The following PLXND1 variants were observed in gnomAD, a reference collection of about 807,000 sequenced individuals.
PLXND1 encodes plexin D1.
Under a neutral mutation model 197.7 loss-of-function variants are expected in PLXND1, and 54 were observed. That is an observed-to-expected ratio of 0.27 (90% CI 0.22 to 0.34). PLXND1 has a LOEUF of 0.34. PLXND1 is among the 10% of genes least tolerant of loss of function. PLXND1 has a pLI of 1.00. For missense variants in PLXND1, 2,127 were observed against 2,699.2 expected (o/e 0.79, Z 4.70); for synonymous variants, 1,180 against 1,161.2 (o/e 1.02, Z -0.33).
At chr3:129,586,479 G>A (rs1578344946) in intron 3 of PLXND1, 109 bp downstream of exon 3, 1 of 1,329,056 alleles carries the variant, frequency 7.5e-7, no homozygotes, top group East Asian at 2.5e-5. Flanking sequence ...AGATAAGGGA[G>A]ATGGAGGAGG....
Position 129,558,661 on chromosome 3 carries a change from G to C in PLXND1, c.5298-86C>G, listed in dbSNP as rs184208657. The C allele has an allele frequency of 1.3e-5, 17 of 1,328,458 alleles. No individual in the cohort carries two copies. In the East Asian group the frequency reaches 3.7e-4, roughly 29 times the overall value. The allele number at this position is 1,328,458 out of a possible 1,614,324, so 82.3% of individuals were successfully genotyped here. ...AGTTGTGGAGGAGAGAGCTGGCTTT[G>C]TCCCTCAAGGGCCTGAGGTTGGAGC... is the stretch of plus-strand genomic sequence containing the variant. On this transcript the variant is annotated intron_variant, in intron 32 of 35. Transcript: ENST00000324093. This position sits in a 1 kb window ranked among gnomAD's most constrained non-coding sequence, Gnocchi z 4.1.
chr3:129,563,932 G>A (rs894405979), intron 25 of PLXND1, among the ~76,000 whole-genome samples: 12 of 152,230 alleles, frequency 7.9e-5, no homozygotes, highest in Non-Finnish European at 1.5e-4. Context: ...GATTACGAAG[G>A]CAGCCTGCCA....
rs777938845 is a variant in PLXND1, at chr3:129,605,357, G to T, written c.1283C>A (p.Pro428Gln). 2 of 1,468,620 alleles carry T rather than the reference G, an allele frequency of 1.4e-6. No individual in the cohort carries two copies. The highest frequency in any genetic ancestry group is 1.5e-5 in the African/African-American group (1 of 67,944). 91.0% of individuals were successfully genotyped at this position (1,468,620 alleles called of 1,614,324 possible). A position where few individuals can be genotyped will look rare whatever the true frequency, so the allele number is the denominator to read the frequency against. Residue 428 changes from proline to glutamine, a missense_variant, in exon 1 of 36, where the codon CCG becomes CAG. Physicochemically the swap from Pro to Gln is moderately conservative, Grantham distance 76. Coordinates refer to ENST00000324093, the MANE Select transcript of PLXND1 (RefSeq NM_015103.3). ...VLDSVVQGTGPACERKLNIQL... is the reference protein window; with the variant it reads ...VLDSVVQGTGQACERKLNIQL... Reference sequence around the variant, plus strand: ...GATGTTGAGCTTGCGCTCACAGGCCGGTCCCGTGCCCTGCACCACGCTGTC... The same window carrying T: ...GATGTTGAGCTTGCGCTCACAGGCCTGTCCCGTGCCCTGCACCACGCTGTC...
At chr3:129,602,947 G>A (rs561326219) in intron 1 of PLXND1, among the ~76,000 whole-genome samples, 1 of 152,342 alleles carries the variant, frequency 6.6e-6, no homozygotes, top group South Asian at 2.1e-4. Flanking sequence ...GCTGGGAAGT[G>A]ACAAAGTGGG....
At chr3:129,592,533 G>A (rs764049347) in intron 1 of PLXND1, among the ~76,000 whole-genome samples, 9 of 152,128 alleles carry the variant, frequency 5.9e-5, no homozygotes, top group Non-Finnish European at 7.4e-5. Context: ...CGGACCAGGC[G>A]CCCAGCTCGG....
At position 129,606,162 on chromosome 3, in the gene PLXND1, C is replaced by G; in HGVS notation, c.478G>C (p.Ala160Pro). ...LRRRGNISAV[A>P]VRFPPAAPPA... is the part of the protein sequence containing the mutation. ...GGCGCGGCGGGCGGGAAGCGCACGGCCACGGCCGAGATGTTGCCCCGGCGC... is the reference window on the plus strand; with the variant it reads ...GGCGCGGCGGGCGGGAAGCGCACGGGCACGGCCGAGATGTTGCCCCGGCGC... Residue 160 changes from alanine (A) to proline (P), a missense_variant, in exon 1 of 36, where the codon GCC becomes CCC. Around this residue, in one of 6 missense-constraint regions of PLXND1, gnomAD observed 245 missense variants for 267.1 expected, o/e 0.92. Transcript: ENST00000324093. 1 of 1,529,848 alleles carries G rather than the reference C, an allele frequency of 6.5e-7. No homozygotes were observed. Among genetic ancestry groups the G allele is most frequent in the Non-Finnish European group, 8.7e-7 (1 of 1,145,126 alleles). The allele number at this position is 1,529,848 out of a possible 1,614,324, so 94.8% of individuals were successfully genotyped here.
Position 129,606,617 on chromosome 3 carries a change from C to G in PLXND1, c.23G>C (p.Gly8Ala). The change falls in exon 1 of 36, where the codon GGC (glycine) becomes GCC (alanine). Residue 8 changes from glycine to alanine, a missense_variant. Gly to Ala is a moderately conservative substitution (Grantham distance 60). This residue lies in a region of PLXND1 where 245 missense variants were observed against 267.1 expected (regional missense o/e 0.92). Coordinates refer to ENST00000324093, the MANE Select transcript of PLXND1 (RefSeq NM_015103.3). ...GGCGGCCCGGGCGCTAAGGGGTGCG[C>G]CGCCCGCGGCGCGAGGAGCCATCCG... The part of the protein sequence containing the change: MAPRAAG[G>A]APLSARAAAA... The G allele has an allele frequency of 8.7e-7, 1 of 1,150,974 alleles. No homozygotes were observed. The highest frequency in any genetic ancestry group is 1.6e-5 in the African/African-American group (1 of 61,156). 71.3% of individuals were successfully genotyped at this position (1,150,974 alleles called of 1,614,324 possible).
intron 15 of PLXND1, 106 bp downstream of exon 15, chr3:129,572,503 A>G: frequency 1.0e-6 from 1 of 990,376 alleles, no homozygotes; most frequent in Non-Finnish European, 1.4e-6. Flanking sequence ...ACAGCCAATG[A>G]AGACCCAAGA....
At chr3:129,568,777 G>A (rs1443832476) in intron 20 of PLXND1, among the ~76,000 whole-genome samples, 1 of 152,160 alleles carries the variant, frequency 6.6e-6, no homozygotes, top group Admixed American at 6.5e-5. Context: ...TTGAACTCCT[G>A]GGCTCAAGTG....
Position 129,561,857 on chromosome 3 carries a change from G to A in PLXND1, c.4872C>T (p.Asp1624=), listed in dbSNP as rs529197578. Residue 1624 remains aspartate, a synonymous_variant, in exon 28 of 36, where the codon GAC becomes GAT. Transcript: ENST00000324093. ...GGCCGTCTTCCACCACTGAGGTGTC[G>A]TCCAGGTCCCGAAGGATGTAGCTCT... is the stretch of plus-strand genomic sequence containing the variant. ...STQSYILRDL[D]DTSVVEDGRK... 4.8e-5 allele frequency: 78 copies of A among 1,613,994 alleles called. No homozygotes were observed. In the South Asian group the frequency reaches 7.6e-4, roughly 16 times the overall value.
rs1342351193 is a variant in PLXND1 at position 129,557,386 on chromosome 3, G to A, written c.5446-163C>T. Among the ~76,000 whole-genome samples, 1 of 152,164 alleles carries A rather than the reference G, an allele frequency of 6.6e-6. No homozygotes were observed. Among genetic ancestry groups the A allele is most frequent in the African/African-American group, 2.4e-5 (1 of 41,424 alleles). ...CACTGAACGTCCCCGCACTCAGCCGGCCCCAGACCAGGGGCTCCTCACTGT... is the reference window on the plus strand; with the variant it reads ...CACTGAACGTCCCCGCACTCAGCCGACCCCAGACCAGGGGCTCCTCACTGT... On this transcript the variant is annotated intron_variant, in intron 33 of 35. Transcript: ENST00000324093. The surrounding 1 kb of genome is among the most constrained non-coding windows in gnomAD (Gnocchi z 4.8).
At position 129,586,032 on chromosome 3, in the gene PLXND1, T is replaced by C; in HGVS notation, c.1771A>G (p.Thr591Ala). ...CGGCTGGGGCCCTCGCTGGCACTGG[T>C]CCAGAAATGCTGCTGGCTGGAATTG... ...CTNSSQQHFW[T>A]SASEGPSRCP... The change falls in exon 5 of 36, where the codon ACC becomes GCC. Residue 591 changes from threonine (T) to alanine (A), a missense_variant. Transcript: ENST00000324093. 6.2e-7 allele frequency: 1 copy of C among 1,613,942 alleles called. No individual in the cohort carries two copies. The highest frequency in any genetic ancestry group is 8.5e-7 in the Non-Finnish European group (1 of 1,179,996).
chr3:129,565,672 G>T, intron 24 of PLXND1, 134 bp from the exon 25 acceptor site: 1 of 890,394 alleles, frequency 1.1e-6, no homozygotes, highest in Non-Finnish European at 1.7e-6. Context: ...CGAGGGGTGA[G>T]TGGGGCTAGA....
intron 1 of PLXND1, among the ~76,000 whole-genome samples, chr3:129,601,458 G>A (rs1108584): frequency 0.84 from 127,799 of 152,040 alleles, 54,129 homozygotes; most frequent in Non-Finnish European, 0.89. Context: ...AGGGTTCTTC[G>A]TGAGACCCTC....
intron 8 of PLXND1, among the ~76,000 whole-genome samples, chr3:129,583,291 G>A (rs912303172): frequency 1.3e-5 from 2 of 152,118 alleles, no homozygotes; most frequent in Admixed American, 6.5e-5. Context: ...CACACTACCA[G>A]CCCAACAGGT....
At chr3:129,575,903 G>T in intron 9 of PLXND1, 48 bp from the exon 10 acceptor site, 1 of 1,088,936 alleles carries the variant, frequency 9.2e-7, no homozygotes. Context: ...AACCAAGCCA[G>T]CATGCATTGC....
intron 1 of PLXND1, among the ~76,000 whole-genome samples, chr3:129,603,981 G>A (rs1872113): frequency 0.35 from 53,832 of 151,960 alleles, 12,063 homozygotes; most frequent in East Asian, 0.73. Flanking sequence ...TCATTCCTCA[G>A]GGTGAACTAT....
At chr3:129,597,481 G>A (rs1011582804) in intron 1 of PLXND1, among the ~76,000 whole-genome samples, 1 of 151,226 alleles carries the variant, frequency 6.6e-6, no homozygotes, top group Non-Finnish European at 1.5e-5. Context: ...CTCTGCCTGC[G>A]GGCCCCCCCC....
Position 129,605,284 on chromosome 3 carries a change from CCCGCCGCCGCCGCCG to C in PLXND1, c.1311+30_1311+44del, listed in dbSNP as rs3832259. The C allele has an allele frequency of 7.5e-5, 59 of 784,076 alleles. 5 individuals carry two copies. Among genetic ancestry groups the C allele is most frequent in the South Asian group, 4.1e-4 (8 of 19,668 alleles). 48.6% of individuals were successfully genotyped at this position (784,076 alleles called of 1,614,324 possible). A position where few individuals can be genotyped will look rare whatever the true frequency, so the allele number is the denominator to read the frequency against. On this transcript the variant is annotated intron_variant, in intron 1 of 35. Coordinates refer to ENST00000324093, the MANE Select transcript of PLXND1 (RefSeq NM_015103.3). ...GTTCCCGCCCGCCCCCGCCCCCGCCCCCGCCGCCGCCGCCGCCGCCGCCGCCGCCACCGCCCGGGT... is the reference window on the plus strand; with the variant it reads ...GTTCCCGCCCGCCCCCGCCCCCGCCCCCGCCGCCGCCGCCACCGCCCGGGT...
Sources: gnomAD v4.1 joint callset for allele counts (sites outside exome capture counted in the v4.1 genomes callset) on GRCh38, gnomAD v4.1.1 for gene constraint, gnomAD v4.1.1 regional missense constraint, Gnocchi (gnomAD v3.1) non-coding constraint, MANE v1.5 for transcripts, NCBI Gene and HGNC (gene_info 2026-07-23, HGNC 2026-07-21) for gene names.